The following RNF216 variants were observed in gnomAD, a reference collection of about 807,000 sequenced individuals.
RNF216 encodes the protein E3 ubiquitin-protein ligase RNF216.
A neutral mutation model predicts 110.8 loss-of-function variants in RNF216; 72 were observed. The ratio of observed to expected loss-of-function variants is 0.65; its 90% CI spans 0.54 to 0.79. The LOEUF is 0.79. Ranked by LOEUF, RNF216 falls within the 30% of genes least tolerant of loss-of-function variation. The pLI is 0.00. For missense variants in RNF216, 1,342 were observed against 1,141.2 expected, an observed-to-expected ratio of 1.18 and a Z score of -2.54; for synonymous variants, 495 against 407.5, an observed-to-expected ratio of 1.21 and a Z score of -2.59.
In RNF216 at chr7:5,729,568, G is replaced by C. The variant is rs144615363; in HGVS notation, c.1253C>G (p.Ser418Cys). 1.9e-6 allele frequency: 3 copies of C among 1,613,930 alleles called. No homozygotes were observed. In the African/African-American group the frequency reaches 4.0e-5, roughly 22 times the overall value. Residue 418 changes from serine to cysteine, a missense_variant, in exon 7 of 17, where the codon TCT becomes TGT. Transcript: ENST00000389902. ...KLPKIDFFDY[S>C]KLTPLDQRCF... ...GCGCTGGTCAAGAGGGGTCAATTTA[G>C]AATAGTCAAAAAAGTCTATTTTAGG...
chr7:5,739,283 G>T lies in RNF216; in HGVS notation c.1114C>A (p.Leu372Met), dbSNP rs769372341. 1.3e-6 allele frequency: 2 copies of T among 1,592,012 alleles called. No homozygotes were observed. Among genetic ancestry groups the T allele is most frequent in the Non-Finnish European group, 1.7e-6 (2 of 1,173,364 alleles). Residue 372 changes from leucine (L) to methionine (M), a missense_variant, in exon 5 of 17, where the codon CTG (leucine) becomes ATG (methionine). Coordinates refer to ENST00000389902, the MANE Select transcript of RNF216 (RefSeq NM_207111.4). ...GCATGGTAGTATACTTACACATTCA[G>T]ATCATAATAATTCTTAAAATGAATT... is the stretch of plus-strand genomic sequence containing the variant. The part of the protein sequence containing the change: ...EIIHFKNYYD[L>M]NVLCNFLLEN...
intron 8 of RNF216, among the ~76,000 whole-genome samples, chr7:5,722,688 C>A (rs1562430390): frequency 6.6e-6 from 1 of 151,950 alleles, no homozygotes. Flanking sequence ...CCGCGCCCAG[C>A]CTCTCATGTT....
chr7:5,714,576 G>A (rs1243346625), intron 11 of RNF216, among the ~76,000 whole-genome samples: 1 of 152,140 alleles, frequency 6.6e-6, no homozygotes, highest in African/African-American at 2.4e-5. Flanking sequence ...CTTAATCACT[G>A]TGTTAGTTTT....
At chr7:5,648,474 C>T (rs1469651032) in intron 14 of RNF216, among the ~76,000 whole-genome samples, 5 of 151,064 alleles carry the variant, frequency 3.3e-5, no homozygotes, top group Non-Finnish European at 4.4e-5. Context: ...ACCTGTAATC[C>T]CAGCACTGTG....
rs1359947044 is a variant in RNF216, at chr7:5,741,589, G to C, written c.428C>G (p.Ser143Cys). ...EFLDLGPPGI[S>C]EFTKPSGQTE... is the part of the protein sequence containing the mutation. Reference sequence around the variant, plus strand: ...TTGGCCACTTGGCTTAGTGAATTCAGAGATTCCAGGAGGCCCAAGATCCAG... The same window carrying C: ...TTGGCCACTTGGCTTAGTGAATTCACAGATTCCAGGAGGCCCAAGATCCAG... The change falls in exon 4 of 17, where the codon TCT becomes TGT. Residue 143 changes from serine (S) to cysteine (C), a missense_variant. By Grantham distance (112) the Ser-to-Cys change is moderately radical. Coordinates refer to ENST00000389902, the MANE Select transcript of RNF216 (RefSeq NM_207111.4). 6.2e-6 allele frequency: 10 copies of C among 1,614,144 alleles called. No homozygotes were observed. The highest frequency in any genetic ancestry group is 7.6e-6 in the Non-Finnish European group (9 of 1,180,040).
intron 15 of RNF216, among the ~76,000 whole-genome samples, chr7:5,638,234 GATAT>G (rs1300381314): frequency 1.3e-5 from 2 of 152,114 alleles, no homozygotes; most frequent in Non-Finnish European, 2.9e-5. Flanking sequence ...TTAAAGTGTA[GATAT>G]ATATAGAATT....
chr7:5,689,937 A>AC (rs1015083797), intron 13 of RNF216, among the ~76,000 whole-genome samples: 7 of 151,188 alleles, frequency 4.6e-5, no homozygotes, highest in South Asian at 2.1e-4. Context: ...TCTCAAACAA[A>AC]AAAAAAAAAA....
At position 5,742,586 on chromosome 7, in the gene RNF216, C is replaced by CTT. The variant is rs59545890; in HGVS notation, c.202-773_202-772dup. 4.1e-3 allele frequency among the ~76,000 whole-genome samples: 268 copies of CTT among 66,004 alleles called. 19 individuals carry two copies. The highest frequency in any genetic ancestry group is 0.024 in the East Asian group (52 of 2,140). 43.3% of individuals were successfully genotyped at this position (66,004 alleles called of 152,430 possible). On this transcript the variant is annotated intron_variant, in intron 3 of 16. Transcript: ENST00000389902. ...AGCATTGGTGAGGATGGTGAAAAAT[C>CTT]TTTTTTTTTTTTTTTTTTTTTTTTT... is the stretch of plus-strand genomic sequence containing the variant.
At chr7:5,677,030 GAACT>G (rs773919646) in intron 13 of RNF216, among the ~76,000 whole-genome samples, 4 of 152,180 alleles carry the variant, frequency 2.6e-5, no homozygotes, top group Non-Finnish European at 5.9e-5. Flanking sequence ...CCTCGTAAGA[GAACT>G]AACTAGTGGC....
chr7:5,675,234 A>G (rs540756092), intron 13 of RNF216, among the ~76,000 whole-genome samples: 317 of 152,266 alleles, frequency 2.1e-3, no homozygotes, highest in African/African-American at 7.3e-3. Flanking sequence ...CACAGACATC[A>G]CCTCATTCAA....
At chr7:5,633,749 TGGGA>T (rs1424703495) in intron 15 of RNF216, among the ~76,000 whole-genome samples, 2 of 151,792 alleles carry the variant, frequency 1.3e-5, no homozygotes, top group African/African-American at 2.4e-5. Flanking sequence ...GTAGGGTGGG[TGGGA>T]GGAAGACGCA....
intron 13 of RNF216, among the ~76,000 whole-genome samples, chr7:5,710,632 G>C (rs544062986): frequency 9.9e-5 from 15 of 152,226 alleles, no homozygotes; most frequent in African/African-American, 3.6e-4. Flanking sequence ...TGCTGCATGG[G>C]CCTGCCCCTA....
intron 13 of RNF216, among the ~76,000 whole-genome samples, chr7:5,656,245 G>C (rs1788734303): frequency 6.6e-6 from 1 of 152,158 alleles, no homozygotes; most frequent in Admixed American, 6.5e-5. Context: ...CTCCAGCCTG[G>C]GCGGCAGAGC....
At chr7:5,630,419 C>A (rs971272187) in intron 15 of RNF216, among the ~76,000 whole-genome samples, 8 of 152,022 alleles carry the variant, frequency 5.3e-5, no homozygotes, top group Non-Finnish European at 8.8e-5. Context: ...CTTGCTCAGC[C>A]CAGGGTGGAG....
At chr7:5,638,917 T>G (rs1370377576) in intron 15 of RNF216, among the ~76,000 whole-genome samples, 1 of 152,202 alleles carries the variant, frequency 6.6e-6, no homozygotes, top group African/African-American at 2.4e-5. Flanking sequence ...CATGAGCCAC[T>G]GCACCTGGCC....
In RNF216 at chr7:5,669,883, C is replaced by CA. The variant is rs577871366; in HGVS notation, c.2062-17374dup. Among the ~76,000 whole-genome samples the CA allele has an allele frequency of 4.9e-3, 727 of 147,462 alleles. 1 individual carries two copies. The highest frequency in any genetic ancestry group is 8.6e-3 in the Non-Finnish European group (572 of 66,888). On this transcript the variant is annotated intron_variant, in intron 13 of 16. Coordinates refer to ENST00000389902, the MANE Select transcript of RNF216 (RefSeq NM_207111.4). The stretch of plus-strand genomic sequence containing the variant: ...CTCCAGCCTGGGCAAGACTCCATCT[C>CA]AAAAAAAAAGAAAGTAAGTGAGATT...
rs559545488 is a variant in RNF216, at chr7:5,707,168, A to G, written c.2061+4593T>C. On this transcript the variant is annotated intron_variant, in intron 13 of 16. Transcript: ENST00000389902. ...CTGTTTAAATTACTGTAGCTTTGTA[A>G]TAAGTTTTGAAGTCAGGAAGTGTGA... 8.5e-5 allele frequency among the ~76,000 whole-genome samples: 13 copies of G among 152,310 alleles called. No homozygotes were observed. In the East Asian group the frequency reaches 1.5e-3, roughly 18 times the overall value.
At chr7:5,729,009 C>T (rs922456590) in intron 7 of RNF216, among the ~76,000 whole-genome samples, 3 of 152,162 alleles carry the variant, frequency 2.0e-5, no homozygotes, top group African/African-American at 7.2e-5. Flanking sequence ...CTGTCAGTAG[C>T]TGCCCACTCT....
At chr7:5,774,169 G>A (rs908060169) in intron 1 of RNF216, among the ~76,000 whole-genome samples, 8 of 99,384 alleles carry the variant, frequency 8.0e-5, no homozygotes, top group African/African-American at 3.3e-4. Context: ...GGATAATACT[G>A]CCTATGTTTA....
Sources: allele counts gnomAD v4.1 joint callset (sites outside exome capture counted in the v4.1 genomes callset), GRCh38; gene constraint gnomAD v4.1.1; transcripts MANE v1.5; gene names NCBI Gene and HGNC (gene_info 2026-07-23, HGNC 2026-07-21).